CTNNBL1: variants seen among roughly 807,000 people sequenced by gnomAD.
CTNNBL1 encodes catenin beta like 1, also known as beta-catenin-like protein 1.
Under a neutral mutation model 72.7 loss-of-function variants are expected in CTNNBL1, and 31 were observed. The ratio of observed to expected loss-of-function variants is 0.43; its 90% CI spans 0.32 to 0.58. The LOEUF (loss-of-function observed/expected upper bound fraction) is 0.58. CTNNBL1 is among the 20% of genes least tolerant of loss of function. The pLI is 0.08. For missense variants in CTNNBL1, 534 were observed against 725.1 expected, an observed-to-expected ratio of 0.74 and a Z score of 3.03; for synonymous variants, 240 against 267.3, an observed-to-expected ratio of 0.90 and a Z score of 1.00.
chr20:37,709,736 C>T (rs1430429706), intron 1 of CTNNBL1, among the ~76,000 whole-genome samples: 1 of 152,050 alleles, frequency 6.6e-6, no homozygotes, highest in Non-Finnish European at 1.5e-5. Context: ...AAGGAGGACA[C>T]GAAAAAGACA....
chr20:37,840,775 T>A (rs1307555486), intron 12 of CTNNBL1, among the ~76,000 whole-genome samples: 2 of 151,810 alleles, frequency 1.3e-5, no homozygotes, highest in Admixed American at 6.6e-5. Flanking sequence ...GATTGGGCTA[T>A]GGAAGCTGGG....
chr20:37,797,488 G>C (rs1394675935), intron 10 of CTNNBL1, among the ~76,000 whole-genome samples: 1 of 151,466 alleles, frequency 6.6e-6, no homozygotes, highest in Admixed American at 6.6e-5. Flanking sequence ...ACCCTCCCAG[G>C]GTAATCTTAC....
intron 1 of CTNNBL1, among the ~76,000 whole-genome samples, chr20:37,717,323 A>G (rs1468428621): frequency 6.6e-6 from 1 of 152,232 alleles, no homozygotes; most frequent in Admixed American, 6.5e-5. Flanking sequence ...CTCTGTTAAC[A>G]GGTATGTCTT....
chr20:37,835,736 G>A (rs141859377), intron 11 of CTNNBL1, among the ~76,000 whole-genome samples: 10 of 152,252 alleles, frequency 6.6e-5, no homozygotes, highest in East Asian at 5.8e-4. Flanking sequence ...ATAAAATAAC[G>A]CAAAACTGGA....
intron 1 of CTNNBL1, among the ~76,000 whole-genome samples, chr20:37,718,492 C>T (rs1452422287): frequency 4.9e-4 from 59 of 119,196 alleles, no homozygotes; most frequent in Middle Eastern, 5.2e-3. Flanking sequence ...CCAGACGGGG[C>T]GGCTGGCCGG....
chr20:37,708,625 C>T (rs540122750), intron 1 of CTNNBL1, among the ~76,000 whole-genome samples: 1 of 152,250 alleles, frequency 6.6e-6, no homozygotes, highest in African/African-American at 2.4e-5. Flanking sequence ...ATGTTTTAGC[C>T]TAAACTTTAG....
intron 1 of CTNNBL1, among the ~76,000 whole-genome samples, chr20:37,725,933 G>A (rs1344458217): frequency 1.3e-5 from 2 of 151,992 alleles, no homozygotes; most frequent in African/African-American, 2.4e-5. Flanking sequence ...GCAGTGAGCC[G>A]AGATCGCACC....
chr20:37,765,185 C>A lies in CTNNBL1; in HGVS notation c.565-12C>A. On this transcript the variant is annotated splice_polypyrimidine_tract_variant and intron_variant, in intron 5 of 15. Coordinates refer to ENST00000361383, the MANE Select transcript of CTNNBL1 (RefSeq NM_030877.5). The stretch of plus-strand genomic sequence containing the variant: ...GACATCCCTCTCTCCTTTTGCTTCG[C>A]TATTCTTGCAGGTGGATGGGCAGGT... The A allele has an allele frequency of 6.5e-7, 1 of 1,545,384 alleles. No homozygotes were observed. The highest frequency in any genetic ancestry group is 1.4e-5 in the African/African-American group (1 of 73,052).
At chr20:37,842,460 C>CCT in intron 13 of CTNNBL1, 41 bp downstream of exon 13, 2 of 1,436,962 alleles carry the variant, frequency 1.4e-6, no homozygotes, top group Non-Finnish European at 2.0e-6. Flanking sequence ...ATTGACTTGC[C>CCT]CTCCGTTTGG....
At chr20:37,787,369 G>A (rs2073685982) in intron 10 of CTNNBL1, among the ~76,000 whole-genome samples, 1 of 143,520 alleles carries the variant, frequency 7.0e-6, no homozygotes, top group Non-Finnish European at 1.5e-5. Context: ...TTTTGAGACG[G>A]AGTCTCGCTC....
intron 15 of CTNNBL1, among the ~76,000 whole-genome samples, chr20:37,871,520 TTAGACCTAATC>T (rs2122888104): frequency 6.6e-6 from 1 of 152,188 alleles, no homozygotes; most frequent in East Asian, 1.9e-4. Flanking sequence ...TCCCCCTAGA[TTAGACCTAATC>T]TAGACCTAAT....
intron 14 of CTNNBL1, 94 bp downstream of exon 14, chr20:37,860,130 C>T: frequency 6.6e-7 from 1 of 1,526,238 alleles, no homozygotes; most frequent in Non-Finnish European, 9.0e-7. Flanking sequence ...AGAAGGGGGT[C>T]ACGCTCTCCT....
At chr20:37,723,505 G>C (rs1021225888) in intron 1 of CTNNBL1, among the ~76,000 whole-genome samples, 1 of 152,074 alleles carries the variant, frequency 6.6e-6, no homozygotes, top group Non-Finnish European at 1.5e-5. Flanking sequence ...AGGAGCGCTT[G>C]ATATCTTTTT....
rs142046546 is a variant in CTNNBL1, at chr20:37,777,869, C to T, written c.882+157C>T. On this transcript the variant is annotated intron_variant, in intron 9 of 15. Coordinates refer to ENST00000361383, the MANE Select transcript of CTNNBL1 (RefSeq NM_030877.5). ...GGTTATACGGAGGGACATGGTTTGC[C>T]TCCTTTTCTTAGTCATTTGCTCTTT... Among the ~76,000 whole-genome samples, 13 of 152,236 alleles carry T rather than the reference C, an allele frequency of 8.5e-5. No homozygotes were observed. The East Asian group carries it at 2.5e-3, about 29-fold the overall frequency.
intron 11 of CTNNBL1, among the ~76,000 whole-genome samples, chr20:37,807,839 G>T (rs2071973330): frequency 6.6e-6 from 1 of 152,136 alleles, no homozygotes. Flanking sequence ...GGTTTTAAAA[G>T]AATAGCACAG....
intron 3 of CTNNBL1, among the ~76,000 whole-genome samples, chr20:37,741,306 T>C (rs1464679118): frequency 1.3e-5 from 2 of 152,244 alleles, no homozygotes; most frequent in African/African-American, 2.4e-5. Flanking sequence ...ATGAGTAGGC[T>C]GTGCTTGGTC....
chr20:37,696,963 C>T (rs896592851), intron 1 of CTNNBL1, among the ~76,000 whole-genome samples: 1 of 151,724 alleles, frequency 6.6e-6, no homozygotes, highest in Non-Finnish European at 1.5e-5. Flanking sequence ...GGGTGGGTCA[C>T]CTGAGGTTGG....
At chr20:37,783,525 C>T (rs1403143884) in intron 10 of CTNNBL1, among the ~76,000 whole-genome samples, 1 of 152,058 alleles carries the variant, frequency 6.6e-6, no homozygotes, top group Non-Finnish European at 1.5e-5. Flanking sequence ...CTTAATACTG[C>T]TTTTGTTGTA....
chr20:37,834,907 G>A (rs1459896167), intron 11 of CTNNBL1, among the ~76,000 whole-genome samples: 4 of 152,140 alleles, frequency 2.6e-5, no homozygotes, highest in African/African-American at 4.8e-5. Context: ...CCCTACTTAC[G>A]TTCAAATAGG....
Sources: allele counts gnomAD v4.1 joint callset (sites outside exome capture counted in the v4.1 genomes callset), GRCh38; gene constraint gnomAD v4.1.1; transcripts MANE v1.5; gene names NCBI Gene and HGNC (gene_info 2026-07-23, HGNC 2026-07-21).